SAMMSON: variants seen among roughly 807,000 people sequenced by gnomAD.
The protein encoded by SAMMSON is long intergenic non-protein coding RNA 1212.
At chr3:70,112,916 A>T (rs2067395457) in intron 4 of SAMMSON, among the ~76,000 whole-genome samples, 1 of 152,208 alleles carries the variant, frequency 6.6e-6, no homozygotes, top group South Asian at 2.1e-4. Flanking sequence ...CTCACAATAG[A>T]TGCCAAAACT....
chr3:70,126,458 G>C, intron 4 of SAMMSON: 1 of 669,748 alleles, frequency 1.5e-6, no homozygotes, highest in Non-Finnish European at 2.7e-6. Context: ...CACCAACCGT[G>C]CCTTGAAGTA....
At chr3:70,189,217 A>T in intron 4 of SAMMSON, among the ~76,000 whole-genome samples, 1 of 151,746 alleles carries the variant, frequency 6.6e-6, no homozygotes, top group Admixed American at 6.6e-5. Flanking sequence ...ATTGACAGGA[A>T]TTTTTTTTTG....
intron 3 of SAMMSON, among the ~76,000 whole-genome samples, chr3:70,028,310 TACTC>T (rs1392427434): frequency 6.6e-6 from 1 of 152,168 alleles, no homozygotes; most frequent in African/African-American, 2.4e-5. Flanking sequence ...GTTGAGGCCT[TACTC>T]TCTCTTTGTG....
At chr3:70,319,196 A>C (rs1412001156) in intron 7 of SAMMSON, among the ~76,000 whole-genome samples, 1 of 152,070 alleles carries the variant, frequency 6.6e-6, no homozygotes, top group African/African-American at 2.4e-5. Context: ...AGCCACTTCA[A>C]CAACCCAAAC....
chr3:70,290,900 G>A (rs1421738055), intron 6 of SAMMSON, among the ~76,000 whole-genome samples: 1 of 152,200 alleles, frequency 6.6e-6, no homozygotes, highest in African/African-American at 2.4e-5. Context: ...GTGAGGCAAT[G>A]CCTCGCCCTG....
At chr3:70,370,922 T>C (rs1702963352) in intron 9 of SAMMSON, among the ~76,000 whole-genome samples, 1 of 152,110 alleles carries the variant, frequency 6.6e-6, no homozygotes, top group Admixed American at 6.6e-5. Context: ...TTCCCTAGGT[T>C]TTCTTCTAGT....
At chr3:70,397,976 A>G (rs1701105873) in intron 2 of SAMMSON, among the ~76,000 whole-genome samples, 1 of 152,162 alleles carries the variant, frequency 6.6e-6, no homozygotes, top group Admixed American at 6.6e-5. Context: ...TTTCATTTAT[A>G]GTAGTTATGT....
intron 4 of SAMMSON, among the ~76,000 whole-genome samples, chr3:70,082,128 C>G (rs2067269893): frequency 6.6e-6 from 1 of 152,150 alleles, no homozygotes; most frequent in African/African-American, 2.4e-5. Context: ...TGATGTTGGC[C>G]TAAGAGCCTC....
At chr3:70,010,759 G>A (rs530314166) in intron 1 of SAMMSON, among the ~76,000 whole-genome samples, 3 of 152,236 alleles carry the variant, frequency 2.0e-5, no homozygotes, top group East Asian at 1.9e-4. Context: ...TCACAGTTCC[G>A]CATTGTCGGG....
At chr3:70,042,209 G>T (rs2067108861) in intron 3 of SAMMSON, among the ~76,000 whole-genome samples, 1 of 152,062 alleles carries the variant, frequency 6.6e-6, no homozygotes, top group Non-Finnish European at 1.5e-5. Flanking sequence ...GCCAACCTGG[G>T]AACGCAAATC....
intron 9 of SAMMSON, among the ~76,000 whole-genome samples, chr3:70,372,003 G>A (rs2111582): frequency 0.011 from 1,644 of 152,190 alleles, 114 homozygotes; most frequent in Admixed American, 0.09. Flanking sequence ...GTTGAGGTAT[G>A]TCACTTCTGC....
intron 7 of SAMMSON, among the ~76,000 whole-genome samples, chr3:70,311,282 T>G (rs1003750066): frequency 1.3e-5 from 2 of 152,282 alleles, no homozygotes; most frequent in East Asian, 3.9e-4. Context: ...AATCAAAAAA[T>G]TATAAAACCG....
chr3:70,209,105 G>A (rs1478030636), intron 4 of SAMMSON, among the ~76,000 whole-genome samples: 4 of 151,996 alleles, frequency 2.6e-5, no homozygotes, highest in African/African-American at 9.7e-5. Flanking sequence ...TTTCTTACTT[G>A]GGTATCAAGG....
intron 3 of SAMMSON, among the ~76,000 whole-genome samples, chr3:70,033,395 T>C (rs138078507): frequency 3.3e-5 from 5 of 151,996 alleles, no homozygotes; most frequent in Non-Finnish European, 5.9e-5. Context: ...GTTCATGGTG[T>C]ATGTGGGCAG....
At chr3:70,399,393 A>T (rs750883070) in intron 2 of SAMMSON, among the ~76,000 whole-genome samples, 3 of 152,180 alleles carry the variant, frequency 2.0e-5, no homozygotes, top group Non-Finnish European at 2.9e-5. Flanking sequence ...AATAAACTGT[A>T]TTTAAGAGCC....
chr3:70,399,928 G>A (rs1404103092), intron 2 of SAMMSON, among the ~76,000 whole-genome samples: 1 of 148,254 alleles, frequency 6.7e-6, no homozygotes, highest in East Asian at 1.9e-4. Flanking sequence ...ATACTTTTGT[G>A]TATATCAGTT....
rs6549324 is a variant in SAMMSON at position 70,275,064 on chromosome 3, A to T, written n.675-16115A>T. On this transcript the variant is annotated intron_variant and non_coding_transcript_variant, in intron 6 of 9. Transcript: ENST00000642114. Reference sequence around the variant, plus strand: ...GGAAACTACCTCTTCAGGTGATATAAGCCTGCAGCTGTTATTTATAACCTC... The same window carrying T: ...GGAAACTACCTCTTCAGGTGATATATGCCTGCAGCTGTTATTTATAACCTC... Among the ~76,000 whole-genome samples the T allele has an allele frequency of 5.9e-5, 9 of 151,978 alleles. No individual in the cohort carries two copies. The South Asian group carries it at 8.3e-4, about 14-fold the overall frequency.
intron 2 of SAMMSON, among the ~76,000 whole-genome samples, chr3:70,412,575 G>A (rs955446008): frequency 6.6e-6 from 1 of 152,108 alleles, no homozygotes; most frequent in South Asian, 2.1e-4. Context: ...ATGCTTTCTG[G>A]GTTATGATGA....
In SAMMSON at chr3:70,368,991, A is replaced by C. The variant is rs1049307911; in HGVS notation, n.913+10667A>C. 5.3e-5 allele frequency among the ~76,000 whole-genome samples: 8 copies of C among 151,820 alleles called. No individual in the cohort carries two copies. The East Asian group carries it at 1.5e-3, about 29-fold the overall frequency. On this transcript the variant is annotated intron_variant and non_coding_transcript_variant, in intron 9 of 9. Transcript: ENST00000642114. ...GAGTCTTCCAATCCATGAACACAGC[A>C]CATCTTCCCATTTATGTAGATTTTC...
Sources: gnomAD v4.1 joint callset for allele counts (sites outside exome capture counted in the v4.1 genomes callset) on GRCh38, gnomAD v4.1.1 for gene constraint, MANE v1.5 for transcripts, NCBI Gene and HGNC (gene_info 2026-07-23, HGNC 2026-07-21) for gene names.